The following MEGF11 variants were observed in gnomAD, a reference collection of about 807,000 sequenced individuals.
MEGF11 encodes multiple epidermal growth factor-like domains protein 11.
MEGF11 carries 126 observed loss-of-function variants against 146.6 expected under a neutral mutation model. The ratio of observed to expected loss-of-function variants is 0.86; its 90% CI spans 0.74 to 1.00. The LOEUF is 1.00. MEGF11 is among the 50% of genes least tolerant of loss of function. MEGF11 has a pLI of 0.00. For missense variants in MEGF11, 1,509 were observed against 1,521.2 expected, an observed-to-expected ratio of 0.99 and a Z score of 0.13; for synonymous variants, 532 against 583.4, an observed-to-expected ratio of 0.91 and a Z score of 1.27.
At chr15:66,171,370 A>G (rs7176702) in intron 1 of MEGF11, among the ~76,000 whole-genome samples, 83,097 of 151,990 alleles carry the variant, frequency 0.55, 22,939 homozygotes, top group South Asian at 0.7. Context: ...CTTGCCTCTA[A>G]GATTCTGGTC....
chr15:66,120,438 T>C (rs1186871928), intron 3 of MEGF11, among the ~76,000 whole-genome samples: 1 of 152,134 alleles, frequency 6.6e-6, no homozygotes. Flanking sequence ...AAGGGGAGCT[T>C]GCCCTGTGGA....
intron 1 of MEGF11, among the ~76,000 whole-genome samples, chr15:66,150,615 TGGAAGGAAGGAAGGAA>T (rs139546795): frequency 4.8e-5 from 7 of 146,422 alleles, no homozygotes; most frequent in African/African-American, 1.5e-4. Context: ...GACTTATTAG[TGGAAGGAAGGAAGGAA>T]GGAAGGAAGG....
chr15:66,129,760 C>T (rs753315547), intron 1 of MEGF11, among the ~76,000 whole-genome samples: 16 of 152,206 alleles, frequency 1.1e-4, no homozygotes, highest in Admixed American at 5.9e-4. Context: ...TCCTTCGCTC[C>T]ACAATGATTT....
chr15:65,996,475 T>C (rs1042813049), intron 5 of MEGF11, among the ~76,000 whole-genome samples: 1 of 119,852 alleles, frequency 8.3e-6, no homozygotes, highest in Non-Finnish European at 1.7e-5. Flanking sequence ...TGTTTATCTC[T>C]AGCACACTTT....
chr15:66,098,641 C>T (rs1039544230), intron 4 of MEGF11, among the ~76,000 whole-genome samples: 4 of 152,196 alleles, frequency 2.6e-5, no homozygotes, highest in African/African-American at 9.6e-5. Flanking sequence ...CTCCCCAGTG[C>T]TCCAAGGCAC....
chr15:66,157,351 A>G (rs950289809), intron 1 of MEGF11, among the ~76,000 whole-genome samples: 4 of 152,308 alleles, frequency 2.6e-5, no homozygotes, highest in Admixed American at 6.5e-5. Context: ...CTCTGTTCTA[A>G]TTAGTCAAAG....
chr15:66,040,494 G>A lies in MEGF11; in HGVS notation c.394+53908C>T, dbSNP rs34918247. Among the ~76,000 whole-genome samples, 337 of 151,960 alleles carry A rather than the reference G, an allele frequency of 2.2e-3. 1 individual carries two copies. Among genetic ancestry groups the A allele is most frequent in the Non-Finnish European group, 3.7e-3 (254 of 68,008 alleles). ...CACACTAATGCAGATTGGGTACACC[G>A]GGAAGTATATTTCACAGCGATACGT... is the stretch of plus-strand genomic sequence containing the variant. On this transcript the variant is annotated intron_variant, in intron 5 of 25. Transcript: ENST00000395614.
chr15:65,898,115 T>G (rs2078395994), intron 25 of MEGF11, 21 bp from the exon 26 acceptor site: 2 of 1,604,834 alleles, frequency 1.2e-6, no homozygotes, highest in Non-Finnish European at 1.7e-6. Flanking sequence ...TAGTGAAAAA[T>G]GAGTTCAGAG....
At chr15:66,148,434 GCACTCTCC>G (rs2089450465) in intron 1 of MEGF11, among the ~76,000 whole-genome samples, 1 of 152,168 alleles carries the variant, frequency 6.6e-6, no homozygotes, top group Admixed American at 6.5e-5. Context: ...AGAAAAGTCA[GCACTCTCC>G]CACTGGCTGA....
At chr15:65,950,620 C>T (rs2080370331) in intron 10 of MEGF11, among the ~76,000 whole-genome samples, 2 of 100,532 alleles carry the variant, frequency 2.0e-5, no homozygotes, top group African/African-American at 7.3e-5. Flanking sequence ...CACACACACA[C>T]ACACACAAAA....
chr15:65,961,870 C>T (rs1348981352), intron 9 of MEGF11, among the ~76,000 whole-genome samples: 2 of 152,182 alleles, frequency 1.3e-5, no homozygotes, highest in African/African-American at 2.4e-5. Context: ...CTAGGGATCC[C>T]ACGTTCCTTA....
intron 1 of MEGF11, among the ~76,000 whole-genome samples, chr15:66,171,472 G>A (rs1476403830): frequency 3.3e-5 from 5 of 152,114 alleles, no homozygotes; most frequent in African/African-American, 9.7e-5. Context: ...AGGACTGCTG[G>A]TCCCTCACCC....
intron 1 of MEGF11, among the ~76,000 whole-genome samples, chr15:66,214,196 C>T (rs534553292): frequency 3.9e-5 from 6 of 152,104 alleles, no homozygotes; most frequent in South Asian, 2.1e-4. Context: ...CCACCACACC[C>T]GGCTAATTTT....
intron 1 of MEGF11, among the ~76,000 whole-genome samples, chr15:66,144,866 A>G (rs1216512889): frequency 6.6e-6 from 1 of 152,200 alleles, no homozygotes; most frequent in Non-Finnish European, 1.5e-5. Flanking sequence ...CTCAGCCATT[A>G]TGTACTGAGT....
chr15:66,176,533 GTCACACCA>G (rs2090393119), intron 1 of MEGF11, among the ~76,000 whole-genome samples: 1 of 152,158 alleles, frequency 6.6e-6, no homozygotes, highest in African/African-American at 2.4e-5. Flanking sequence ...CAGAGCCTCA[GTCACACCA>G]GTGACTCAGC....
chr15:66,033,771 TG>T (rs1387680211), intron 5 of MEGF11, among the ~76,000 whole-genome samples: 5 of 137,936 alleles, frequency 3.6e-5, no homozygotes, highest in East Asian at 5.6e-4. Context: ...CTGTTGGTTT[TG>T]GATTTATTTA....
intron 12 of MEGF11, 57 bp from the exon 13 acceptor site, chr15:65,928,584 TA>T: frequency 2.5e-6 from 3 of 1,200,282 alleles, no homozygotes; most frequent in Non-Finnish European, 3.6e-6. Flanking sequence ...GAGGTTTGTG[TA>T]CTTCTATGGA....
chr15:66,079,911 C>G (rs56243002), intron 5 of MEGF11, among the ~76,000 whole-genome samples: 1 of 152,172 alleles, frequency 6.6e-6, no homozygotes, highest in Non-Finnish European at 1.5e-5. Context: ...CCCACAAGGG[C>G]GGGGCTCCCC....
chr15:66,123,874 C>G (rs1447831297), intron 3 of MEGF11, 25 bp downstream of exon 3: 1 of 1,592,070 alleles, frequency 6.3e-7, no homozygotes, highest in South Asian at 1.1e-5. Flanking sequence ...TTTTCCCTGC[C>G]CCATCATCTG....
Sources: gnomAD v4.1 joint callset for allele counts (sites outside exome capture counted in the v4.1 genomes callset) on GRCh38, gnomAD v4.1.1 for gene constraint, MANE v1.5 for transcripts, NCBI Gene and HGNC (gene_info 2026-07-23, HGNC 2026-07-21) for gene names.